ATP2B2: variants seen among roughly 807,000 people sequenced by gnomAD.
ATP2B2 encodes the protein plasma membrane calcium-transporting ATPase 2.
ATP2B2 carries 15 observed loss-of-function variants against 120.0 expected under a neutral mutation model. The observed-to-expected ratio is 0.12, with a 90% CI of 0.08 to 0.19. The LOEUF is 0.19. Ranked by LOEUF, ATP2B2 falls within the 10% of genes least tolerant of loss-of-function variation. The pLI, the probability that ATP2B2 is intolerant of heterozygous loss-of-function variation, is 1.00. For missense variants in ATP2B2, 1,045 were observed against 1,719.8 expected, an observed-to-expected ratio of 0.61 and a Z score of 6.94; for synonymous variants, 694 against 700.3, an observed-to-expected ratio of 0.99 and a Z score of 0.14.
intron 2 of ATP2B2, among the ~76,000 whole-genome samples, chr3:10,609,585 C>A (rs1484699746): frequency 6.6e-6 from 1 of 152,182 alleles, no homozygotes; most frequent in Non-Finnish European, 1.5e-5. Context: ...AGCGGGAGAT[C>A]CTCTGACAGG....
At chr3:10,439,285 C>T (rs763125665) in intron 2 of ATP2B2, among the ~76,000 whole-genome samples, 4 of 152,242 alleles carry the variant, frequency 2.6e-5, no homozygotes, top group Non-Finnish European at 5.9e-5. Context: ...GACCAACCTT[C>T]TTTATTTTCC....
At chr3:10,385,374 A>G (rs2061645896) in intron 7 of ATP2B2, 47 bp from the exon 8 acceptor site, 1 of 1,556,924 alleles carries the variant, frequency 6.4e-7, no homozygotes, top group South Asian at 1.1e-5. Flanking sequence ...ACAATGGAGA[A>G]AAGCAACAAC....
intron 5 of ATP2B2, among the ~76,000 whole-genome samples, chr3:10,393,427 C>T (rs941355757): frequency 1.7e-4 from 26 of 152,270 alleles, no homozygotes; most frequent in African/African-American, 6.3e-4. Flanking sequence ...TCCATCTGAG[C>T]CACTTTTCGC....
chr3:10,513,496 G>A (rs1202820039), intron 3 of ATP2B2, among the ~76,000 whole-genome samples: 5 of 152,224 alleles, frequency 3.3e-5, no homozygotes, highest in East Asian at 1.9e-4. Flanking sequence ...GGAACCCGAA[G>A]ATGAACACGA....
intron 1 of ATP2B2, among the ~76,000 whole-genome samples, chr3:10,451,336 C>T (rs376482319): frequency 1.2e-4 from 18 of 152,238 alleles, no homozygotes; most frequent in African/African-American, 2.9e-4. Context: ...GAGCGATTTG[C>T]GTTCAAATCC....
intron 1 of ATP2B2, among the ~76,000 whole-genome samples, chr3:10,663,424 G>T (rs1018792939): frequency 6.6e-6 from 1 of 152,074 alleles, no homozygotes; most frequent in Non-Finnish European, 1.5e-5. Flanking sequence ...AGCAAAAAAG[G>T]TATGGCCTCA....
At chr3:10,699,817 C>A (rs933885541) in intron 1 of ATP2B2, among the ~76,000 whole-genome samples, 1 of 152,082 alleles carries the variant, frequency 6.6e-6, no homozygotes, top group Non-Finnish European at 1.5e-5. Flanking sequence ...AGTTCAGCCC[C>A]CTTTTGCTGT....
intron 14 of ATP2B2, among the ~76,000 whole-genome samples, chr3:10,351,764 G>A (rs896010155): frequency 2.6e-5 from 4 of 152,164 alleles, no homozygotes; most frequent in African/African-American, 9.7e-5. Flanking sequence ...AGGAAATTTC[G>A]ACACAAAGAT....
upstream of ATP2B2, among the ~76,000 whole-genome samples, chr3:10,509,348 G>T (rs569227060): frequency 2.0e-5 from 3 of 152,130 alleles, no homozygotes; most frequent in Non-Finnish European, 2.9e-5. Context: ...TAGGAGTTCT[G>T]GGGCAGCTCT....
At chr3:10,665,168 T>C (rs905436084) in intron 1 of ATP2B2, among the ~76,000 whole-genome samples, 1 of 152,210 alleles carries the variant, frequency 6.6e-6, no homozygotes, top group African/African-American at 2.4e-5. Flanking sequence ...AGCTTCCCTT[T>C]GCATTGAGGA....
Position 10,449,616 on chromosome 3 carries a change from T to C in ATP2B2, c.-73A>G, listed in dbSNP as rs924198623. ...CAAGAGGCTGCCGGGTGATGGCTGCTTGTGGCTGTCCTCAGCACACCCTCA... is the reference window on the plus strand; with the variant it reads ...CAAGAGGCTGCCGGGTGATGGCTGCCTGTGGCTGTCCTCAGCACACCCTCA... On this transcript the variant is annotated 5_prime_UTR_variant, in exon 2 of 23. Coordinates refer to ENST00000360273, the MANE Select transcript of ATP2B2 (RefSeq NM_001001331.4). The C allele has an allele frequency of 5.2e-5, 82 of 1,571,550 alleles. No homozygotes were observed. The African/African-American group carries it at 7.3e-4, about 14-fold the overall frequency.
At chr3:10,437,536 C>T (rs1249330453) in intron 2 of ATP2B2, among the ~76,000 whole-genome samples, 3 of 152,220 alleles carry the variant, frequency 2.0e-5, no homozygotes, top group Non-Finnish European at 4.4e-5. Flanking sequence ...CTTCTTAACG[C>T]CCACTGAGCA....
At chr3:10,463,990 C>T (rs1435518451) in intron 1 of ATP2B2, among the ~76,000 whole-genome samples, 1 of 152,176 alleles carries the variant, frequency 6.6e-6, no homozygotes, top group African/African-American at 2.4e-5. Context: ...AGAGCTGCCC[C>T]ACTGGCAGCC....
At chr3:10,399,325 G>A (rs2062144968) in intron 5 of ATP2B2, among the ~76,000 whole-genome samples, 1 of 152,182 alleles carries the variant, frequency 6.6e-6, no homozygotes, top group Non-Finnish European at 1.5e-5. Flanking sequence ...TGAGACCCCG[G>A]GGGCTTTGCA....
intron 2 of ATP2B2, among the ~76,000 whole-genome samples, chr3:10,604,424 C>T (rs1046806696): frequency 1.3e-5 from 2 of 152,208 alleles, no homozygotes; most frequent in Admixed American, 1.3e-4. Context: ...AGTCCAAACT[C>T]CCTAACTCCT....
At chr3:10,580,767 A>T (rs1575520531) in intron 2 of ATP2B2, among the ~76,000 whole-genome samples, 1 of 152,292 alleles carries the variant, frequency 6.6e-6, no homozygotes, top group South Asian at 2.1e-4. Context: ...TTCTCCATAG[A>T]CCAGGTGCTG....
chr3:10,371,849 T>C lies in ATP2B2; in HGVS notation c.1619A>G (p.Asn540Ser), dbSNP rs1467431326. The change falls in exon 12 of 23, where the codon AAT becomes AGT. Residue 540 changes from asparagine to serine, a missense_variant. Transcript: ENST00000360273. ...GTAGGCGCTGTTGATGGCGATGGCA[T>C]TGATCAGCAGCTCCATGGTCTTGGT... is the stretch of plus-strand genomic sequence containing the variant. The part of the protein sequence containing the change: ...INTKTMELLI[N>S]AIAINSAYTT... The C allele has an allele frequency of 6.2e-7, 1 of 1,614,064 alleles. No individual in the cohort carries two copies. The highest frequency in any genetic ancestry group is 1.7e-5 in the Admixed American group (1 of 60,010).
Position 10,553,034 on chromosome 3 carries a change from G to T in ATP2B2, c.-414-18901C>A, listed in dbSNP as rs540299624. 2.0e-5 allele frequency among the ~76,000 whole-genome samples: 3 copies of T among 152,312 alleles called. No individual in the cohort carries two copies. In the East Asian group the frequency reaches 5.8e-4, roughly 29 times the overall value. On this transcript the variant is annotated intron_variant, in intron 2 of 21. Transcript: ENST00000646379. ...TGTCCTCTATGGCCTCCAGCCTCCAGTTCCCCATCTGTGCAATGGGAATAT... is the reference window on the plus strand; with the variant it reads ...TGTCCTCTATGGCCTCCAGCCTCCATTTCCCCATCTGTGCAATGGGAATAT...
intron 1 of ATP2B2, among the ~76,000 whole-genome samples, chr3:10,488,547 C>T (rs1171011954): frequency 6.8e-6 from 1 of 146,338 alleles, no homozygotes; most frequent in South Asian, 2.2e-4. Context: ...TCCTTCCTTC[C>T]TTTCCTTCCT....
Sources: gnomAD v4.1 joint callset for allele counts (sites outside exome capture counted in the v4.1 genomes callset) on GRCh38, gnomAD v4.1.1 for gene constraint, MANE v1.5 for transcripts, NCBI Gene and HGNC (gene_info 2026-07-23, HGNC 2026-07-21) for gene names.